Variants in EYS observed in about 807,000 individuals in gnomAD.
EYS encodes the protein EGF-like photoreceptor maintenance factor, also known as protein eyes shut homolog.
Under a neutral mutation model 282.1 loss-of-function variants are expected in EYS, and 250 were observed. That is an observed-to-expected ratio of 0.89 (90% CI 0.80 to 0.98). The LOEUF (loss-of-function observed/expected upper bound fraction) is 0.98, where lower values mean the gene tolerates loss of function less well. EYS is among the 50% of genes least tolerant of loss of function. EYS has a pLI of 0.00. For synonymous variants in EYS, 1,355 were observed against 1,282.9 expected (o/e 1.06, Z -1.20); for missense variants, 4,016 against 3,709.0 (o/e 1.08, Z -2.15).
chr6:65,550,129 T>A (rs4573062), intron 2 of EYS, among the ~76,000 whole-genome samples: 8,040 of 104,680 alleles, frequency 0.077, 1,968 homozygotes, highest in East Asian at 0.12. Context: ...AGTTAGTATC[T>A]GACTCTACTA....
chr6:64,392,318 T>C (rs1773182844), intron 28 of EYS, among the ~76,000 whole-genome samples: 1 of 149,342 alleles, frequency 6.7e-6, no homozygotes, highest in South Asian at 2.1e-4. Flanking sequence ...ATCAACAGAA[T>C]ATACATTTTT....
chr6:64,065,319 C>T (rs774032458), intron 33 of EYS, among the ~76,000 whole-genome samples: 11 of 152,064 alleles, frequency 7.2e-5, no homozygotes, highest in East Asian at 3.8e-4. Context: ...ATTTTAAAGA[C>T]GAACTCAGTC....
intron 36 of EYS, among the ~76,000 whole-genome samples, chr6:63,837,327 G>A (rs1286508711): frequency 6.6e-6 from 1 of 151,616 alleles, no homozygotes; most frequent in African/African-American, 2.4e-5. Flanking sequence ...TTTTGTTACG[G>A]ATTTTTTTTT....
chr6:65,538,189 G>A (rs1347141150), intron 2 of EYS, among the ~76,000 whole-genome samples: 1 of 152,094 alleles, frequency 6.6e-6, no homozygotes, highest in African/African-American at 2.4e-5. Flanking sequence ...ACAATAAATG[G>A]TAAGGATATA....
At chr6:65,696,654 G>A (rs540824483) in intron 1 of EYS, among the ~76,000 whole-genome samples, 49 of 151,958 alleles carry the variant, frequency 3.2e-4, no homozygotes, top group Non-Finnish European at 5.2e-4. Context: ...TAAAAGTATC[G>A]TATAAATTAT....
chr6:64,128,688 C>A (rs1773866247), intron 31 of EYS, among the ~76,000 whole-genome samples: 1 of 152,116 alleles, frequency 6.6e-6, no homozygotes, highest in African/African-American at 2.4e-5. Context: ...ATCTGTATAG[C>A]TCATTCAGCA....
intron 18 of EYS, among the ~76,000 whole-genome samples, chr6:64,893,331 C>A (rs1012487799): frequency 2.6e-5 from 4 of 151,838 alleles, no homozygotes; most frequent in African/African-American, 9.7e-5. Context: ...GTTTCAATAA[C>A]CATAAGAGAG....
intron 26 of EYS, among the ~76,000 whole-genome samples, chr6:64,526,333 G>C (rs1777918812): frequency 6.6e-6 from 1 of 151,584 alleles, no homozygotes; most frequent in Admixed American, 6.6e-5. Flanking sequence ...TTACCACCTG[G>C]GGAAATTGGT....
chr6:64,683,472 G>A (rs1769974898), intron 22 of EYS, among the ~76,000 whole-genome samples: 1 of 152,084 alleles, frequency 6.6e-6, no homozygotes, highest in Non-Finnish European at 1.5e-5. Context: ...AAAATTTATT[G>A]AATTTGCTTA....
chr6:64,148,367 T>C (rs1369466799), intron 31 of EYS, among the ~76,000 whole-genome samples: 1 of 152,168 alleles, frequency 6.6e-6, no homozygotes, highest in East Asian at 1.9e-4. Flanking sequence ...GTGCAAATAA[T>C]TTTTTGCCTT....
At chr6:64,878,564 G>A (rs1376041841) in intron 19 of EYS, among the ~76,000 whole-genome samples, 1 of 151,952 alleles carries the variant, frequency 6.6e-6, no homozygotes, top group Non-Finnish European at 1.5e-5. Flanking sequence ...CTTGAGATTT[G>A]TGGTCAAGAA....
chr6:65,580,339 T>G (rs1215231230), intron 2 of EYS, among the ~76,000 whole-genome samples: 1 of 152,038 alleles, frequency 6.6e-6, no homozygotes, highest in East Asian at 1.9e-4. Flanking sequence ...ATCAATAAAG[T>G]TACTAAAAAT....
At chr6:64,956,157 T>C (rs1475343433) in intron 14 of EYS, among the ~76,000 whole-genome samples, 1 of 152,054 alleles carries the variant, frequency 6.6e-6, no homozygotes, top group Non-Finnish European at 1.5e-5. Flanking sequence ...GCAAAAAGAA[T>C]GAAATGGAAA....
intron 35 of EYS, among the ~76,000 whole-genome samples, chr6:63,981,655 G>T (rs1405613269): frequency 1.3e-5 from 2 of 151,850 alleles, no homozygotes; most frequent in Non-Finnish European, 2.9e-5. Context: ...TCTTTAAACA[G>T]TGCATGCCAA....
chr6:64,864,385 C>CATT (rs1766348513), intron 19 of EYS, among the ~76,000 whole-genome samples: 1 of 57,166 alleles, frequency 1.7e-5, no homozygotes, highest in African/African-American at 5.9e-5. Flanking sequence ...GCTATACCTT[C>CATT]TTTTTTTTTT....
At chr6:64,172,468 C>G (rs188288716) in intron 31 of EYS, among the ~76,000 whole-genome samples, 3 of 152,262 alleles carry the variant, frequency 2.0e-5, no homozygotes, top group Admixed American at 6.5e-5. Flanking sequence ...GAAATCAACA[C>G]TGTAAGTGGG....
intron 19 of EYS, among the ~76,000 whole-genome samples, chr6:64,884,679 T>C (rs1401214684): frequency 3.3e-5 from 5 of 151,608 alleles, no homozygotes; most frequent in Admixed American, 1.3e-4. Context: ...AATTTGAATG[T>C]CAAAAGAGTA....
chr6:64,422,709 T>C (rs72889644), intron 28 of EYS, among the ~76,000 whole-genome samples: 20 of 152,350 alleles, frequency 1.3e-4, no homozygotes, highest in Non-Finnish European at 2.8e-4. Context: ...TTGGTCTTAA[T>C]TGTTCTTAGA....
rs1481714648 is a variant in EYS, at chr6:63,726,537, G to A, written c.8215C>T (p.His2739Tyr). ...ADGILFYAAQ[H>Y]LKAQSGDFLC... ...ATCTTACCTGATTGGGCTTTTAAGT[G>A]TTGTGCAGCATAAAATAGGATACCA... The change falls in exon 42 of 43, where the codon CAC becomes TAC. Residue 2739 changes from histidine to tyrosine, a missense_variant. Transcript: ENST00000503581. 5 of 1,550,672 alleles carry A rather than the reference G, an allele frequency of 3.2e-6. No individual in the cohort carries two copies. The highest frequency in any genetic ancestry group is 4.4e-6 in the Non-Finnish European group (5 of 1,146,596).
Sources: gnomAD v4.1 joint callset for allele counts (sites outside exome capture counted in the v4.1 genomes callset) on GRCh38, gnomAD v4.1.1 for gene constraint, MANE v1.5 for transcripts, NCBI Gene and HGNC (gene_info 2026-07-23, HGNC 2026-07-21) for gene names.